MCF2L: variants seen among roughly 807,000 people sequenced by gnomAD.
The protein encoded by MCF2L is guanine nucleotide exchange factor DBS.
MCF2L carries 97 observed loss-of-function variants against 153.4 expected under a neutral mutation model. That is an observed-to-expected ratio of 0.63 (90% CI 0.54 to 0.75). The LOEUF is 0.75. MCF2L is among the 30% of genes least tolerant of loss of function. The pLI is 0.00. For missense variants in MCF2L, 1,347 were observed against 1,495.2 expected (o/e 0.90, Z 1.64); for synonymous variants, 659 against 632.2 (o/e 1.04, Z -0.64).
intron 1 of MCF2L, among the ~76,000 whole-genome samples, chr13:113,002,845 A>G (rs1041250990): frequency 6.6e-6 from 1 of 152,226 alleles, no homozygotes; most frequent in Non-Finnish European, 1.5e-5. Flanking sequence ...ATCAACGGCA[A>G]TGAATGAACA....
chr13:113,074,978 C>A lies in MCF2L; in HGVS notation c.1117-20C>A. On this transcript the variant is annotated intron_variant, in intron 10 of 29. Transcript: ENST00000535094. This position sits in a 1 kb window ranked among gnomAD's most constrained non-coding sequence, Gnocchi z 4.2. ...GAACAGAAAGAGGCCTGAGCTGGTC[C>A]TCTGGGTGGCCGTCCACAGGTGGCC... 1 of 1,585,988 alleles carries A rather than the reference C, an allele frequency of 6.3e-7. No homozygotes were observed. Among genetic ancestry groups the A allele is most frequent in the South Asian group, 1.1e-5 (1 of 89,132 alleles).
At chr13:112,909,014 G>A (rs1392891115) in intron 2 of MCF2L, among the ~76,000 whole-genome samples, 5 of 152,180 alleles carry the variant, frequency 3.3e-5, no homozygotes, top group South Asian at 2.1e-4. Flanking sequence ...GTTAGCCACC[G>A]CGCCCCGCCC....
intron 2 of MCF2L, chr13:112,917,142 G>A (rs891046759): frequency 6.4e-6 from 3 of 471,242 alleles, no homozygotes; most frequent in Admixed American, 4.7e-5. Context: ...CCCCTGGCTT[G>A]TGACCCACCT....
At chr13:112,896,457 G>GCCCC (rs59245470) in intron 1 of MCF2L, among the ~76,000 whole-genome samples, 3,630 of 151,168 alleles carry the variant, frequency 0.024, 166 homozygotes, top group African/African-American at 0.085. Flanking sequence ...CAGAAGAGAG[G>GCCCC]CCCCCCCTGT....
intron 5 of MCF2L, 32 bp downstream of exon 5, chr13:113,060,744 C>T (rs183602746): frequency 1.2e-6 from 2 of 1,607,896 alleles, no homozygotes; most frequent in Admixed American, 3.3e-5. Context: ...CCTGCGGTAG[C>T]AGAACGGAAC....
intron 12 of MCF2L, 119 bp from the exon 13 acceptor site, chr13:113,076,933 C>T (rs2033550739): frequency 7.3e-6 from 8 of 1,096,064 alleles, no homozygotes; most frequent in African/African-American, 1.6e-5. Context: ...TGACAGACCC[C>T]GCATGGAGAA....
At chr13:113,003,027 T>C (rs1430246173) in intron 1 of MCF2L, among the ~76,000 whole-genome samples, 3 of 149,062 alleles carry the variant, frequency 2.0e-5, no homozygotes, top group African/African-American at 7.4e-5. Context: ...AAAAAATTAA[T>C]AGGCTGGGTG....
chr13:113,033,645 C>A (rs946754319), intron 3 of MCF2L, among the ~76,000 whole-genome samples: 2 of 152,158 alleles, frequency 1.3e-5, no homozygotes, highest in Non-Finnish European at 2.9e-5. Flanking sequence ...CCCCCCCCAC[C>A]CCAACGGAGT....
chr13:113,077,277 C>T, intron 13 of MCF2L, 66 bp downstream of exon 13: 1 of 1,430,728 alleles, frequency 7.0e-7, no homozygotes, highest in Non-Finnish European at 9.2e-7. Flanking sequence ...GCGTTGAGAG[C>T]TTGGTACATC....
In MCF2L at chr13:113,088,592, C is replaced by T; in HGVS notation, c.2798C>T (p.Ser933Leu). 1 of 1,610,002 alleles carries T rather than the reference C, an allele frequency of 6.2e-7. No homozygotes were observed. The highest frequency in any genetic ancestry group is 1.3e-5 in the African/African-American group (1 of 75,062). Residue 933 changes from serine to leucine, a missense_variant, in exon 25 of 30, where the codon TCA becomes TTA. Around this residue, in one of 3 missense-constraint regions of MCF2L, gnomAD observed 383 missense variants for 335.4 expected, o/e 1.14. Transcript: ENST00000535094. ...AGCCAGCACCGGGCGCTGGAGCAGT[C>T]ACAGAGCCTGCCCCTGCCGGCCCCG... is the stretch of plus-strand genomic sequence containing the variant. ...EASQHRALEQ[S>L]QSLPLPAPTS...
chr13:113,073,247 T>C (rs35950059), intron 9 of MCF2L, among the ~76,000 whole-genome samples: 5,278 of 152,354 alleles, frequency 0.035, 144 homozygotes, highest in Middle Eastern at 0.068. Context: ...AATATGGTCT[T>C]TCTTGGTATA....
At chr13:112,961,601 G>T (rs901568947) in intron 2 of MCF2L, among the ~76,000 whole-genome samples, 1 of 152,200 alleles carries the variant, frequency 6.6e-6, no homozygotes, top group African/African-American at 2.4e-5. Flanking sequence ...CACCCCTCTC[G>T]AGGCCCTTCC....
intron 5 of MCF2L, among the ~76,000 whole-genome samples, chr13:113,063,536 C>T (rs569725092): frequency 9.9e-5 from 15 of 152,284 alleles, no homozygotes; most frequent in African/African-American, 3.4e-4. Flanking sequence ...CACACAGCCA[C>T]CCACGGTGTC....
intron 1 of MCF2L, among the ~76,000 whole-genome samples, chr13:113,002,251 G>C (rs1055255680): frequency 6.6e-6 from 1 of 152,240 alleles, no homozygotes; most frequent in Non-Finnish European, 1.5e-5. Context: ...CTGGTGAGCA[G>C]TGGGGCCGCC....
At chr13:112,917,147 C>T (rs2081301385) in intron 2 of MCF2L, 1 of 471,140 alleles carries the variant, frequency 2.1e-6, no homozygotes, top group South Asian at 1.5e-5. Flanking sequence ...GGCTTGTGAC[C>T]CACCTGAGTG....
chr13:113,020,258 A>C (rs902806350), intron 2 of MCF2L, among the ~76,000 whole-genome samples: 1 of 152,202 alleles, frequency 6.6e-6, no homozygotes. Context: ...TGAGTTTCTA[A>C]AGCCGTGTTT....
chr13:113,017,619 C>G (rs779330903), intron 2 of MCF2L, among the ~76,000 whole-genome samples: 20 of 152,188 alleles, frequency 1.3e-4, no homozygotes, highest in Non-Finnish European at 2.5e-4. Context: ...GGTTTGCTGT[C>G]TTGACAGCTG....
chr13:113,015,120 C>T (rs559136987), intron 2 of MCF2L, among the ~76,000 whole-genome samples: 1 of 152,342 alleles, frequency 6.6e-6, no homozygotes, highest in African/African-American at 2.4e-5. Flanking sequence ...TGACAGCAGC[C>T]TCCAGGGACA....
chr13:113,005,234 C>T (rs1240824038), intron 1 of MCF2L, among the ~76,000 whole-genome samples: 1 of 152,218 alleles, frequency 6.6e-6, no homozygotes, highest in African/African-American at 2.4e-5. Context: ...ACAGGCAAAG[C>T]CACGGCCTGC....
Sources: allele counts gnomAD v4.1 joint callset (sites outside exome capture counted in the v4.1 genomes callset), GRCh38; gene constraint gnomAD v4.1.1; regional missense constraint gnomAD v4.1.1; non-coding constraint Gnocchi (gnomAD v3.1); transcripts MANE v1.5; gene names NCBI Gene and HGNC (gene_info 2026-07-23, HGNC 2026-07-21).